The following PBRM1 variants were observed in gnomAD, a reference collection of about 807,000 sequenced individuals.
PBRM1 encodes the protein protein polybromo-1.
PBRM1 carries 27 observed loss-of-function variants against 194.5 expected under a neutral mutation model. The ratio of observed to expected loss-of-function variants is 0.14; its 90% CI spans 0.10 to 0.19. The LOEUF (loss-of-function observed/expected upper bound fraction) is 0.19, where lower values mean the gene tolerates loss of function less well. Ranked by LOEUF, PBRM1 falls within the 10% of genes least tolerant of loss-of-function variation. The pLI is 1.00. For synonymous variants in PBRM1, 655 were observed against 693.2 expected (o/e 0.94, Z 0.87); for missense variants, 1,466 against 2,077.2 (o/e 0.71, Z 5.72).
At chr3:52,606,267 C>T (rs2094345837) in intron 16 of PBRM1, among the ~76,000 whole-genome samples, 1 of 152,058 alleles carries the variant, frequency 6.6e-6, no homozygotes, top group South Asian at 2.1e-4. Flanking sequence ...CCTTGGGCTC[C>T]AAAAGTGCTG....
chr3:52,629,039 T>C lies in PBRM1; in HGVS notation c.1302-4A>G. The C allele has an allele frequency of 6.3e-7, 1 of 1,584,718 alleles. No homozygotes were observed. Among genetic ancestry groups the C allele is most frequent in the African/African-American group, 1.4e-5 (1 of 73,724 alleles). ...TTCTTGATTCTTCAGTTTTGTTCTG[T>C]GAAAGACAAAGAAATTGCTAGAATT... On this transcript the variant is annotated splice_polypyrimidine_tract_variant and splice_region_variant and intron_variant, in intron 11 of 29. Transcript: ENST00000296302.
intron 7 of PBRM1, among the ~76,000 whole-genome samples, chr3:52,647,445 AAAAAAAAAAAAAATATAT>A (rs2096334564): frequency 1.2e-5 from 1 of 80,672 alleles, no homozygotes; most frequent in Admixed American, 1.8e-4. Context: ...AAAAAAAAAA[AAAAAAAAAAAAAATATAT>A]ATATATATAT....
intron 22 of PBRM1, among the ~76,000 whole-genome samples, chr3:52,568,144 A>G (rs1325342508): frequency 6.6e-6 from 1 of 150,898 alleles, no homozygotes; most frequent in African/African-American, 2.4e-5. Context: ...ATGTCCAGCT[A>G]ATTTTTGTAG....
chr3:52,671,273 T>C (rs1314226261), intron 2 of PBRM1, among the ~76,000 whole-genome samples: 2 of 152,142 alleles, frequency 1.3e-5, no homozygotes, highest in African/African-American at 4.8e-5. Context: ...TTCTCATAAA[T>C]ACTTGAGAAA....
At chr3:52,628,187 T>C (rs1487391199) in intron 12 of PBRM1, among the ~76,000 whole-genome samples, 1 of 152,030 alleles carries the variant, frequency 6.6e-6, no homozygotes, top group Non-Finnish European at 1.5e-5. Flanking sequence ...CAGCCCTACT[T>C]TAACAAAGTC....
At chr3:52,635,583 C>CA (rs1253344765) in intron 10 of PBRM1, among the ~76,000 whole-genome samples, 1 of 151,682 alleles carries the variant, frequency 6.6e-6, no homozygotes, top group Non-Finnish European at 1.5e-5. Context: ...AATACAAAAA[C>CA]AAAAAAACCT....
At chr3:52,627,415 C>T (rs2095481066) in intron 12 of PBRM1, 45 bp from the exon 14 acceptor site, 2 of 1,123,588 alleles carry the variant, frequency 1.8e-6, no homozygotes, top group Non-Finnish European at 2.7e-6. Context: ...GTGCCAAACA[C>T]TCCTCTGAAT....
chr3:52,592,617 A>T (rs2153829965), intron 17 of PBRM1, among the ~76,000 whole-genome samples: 1 of 152,248 alleles, frequency 6.6e-6, no homozygotes, highest in Admixed American at 6.5e-5. Flanking sequence ...ATACTGGCCT[A>T]GTTTTTTCTG....
intron 17 of PBRM1, among the ~76,000 whole-genome samples, chr3:52,601,114 C>T (rs2093959330): frequency 6.6e-6 from 1 of 152,216 alleles, no homozygotes; most frequent in Non-Finnish European, 1.5e-5. Context: ...TAGAAGAGGA[C>T]TTCTCCCTGA....
At position 52,579,022 on chromosome 3, in the gene PBRM1, A is replaced by C. The variant is rs773831149; in HGVS notation, c.3533+32T>G. On this transcript the variant is annotated intron_variant, in intron 21 of 29. Coordinates refer to ENST00000296302, the Ensembl canonical transcript of PBRM1. ...TACTGGTTCCAAATTTCTCAGATTC[A>C]ACCTCATCTTCCCTAATTCAATGAC... is the stretch of plus-strand genomic sequence containing the variant. 1.9e-6 allele frequency: 3 copies of C among 1,610,850 alleles called. No homozygotes were observed. The South Asian group carries it at 3.3e-5, about 18-fold the overall frequency.
chr3:52,548,449 T>C (rs2153321818), intron 29 of PBRM1, among the ~76,000 whole-genome samples: 1 of 151,544 alleles, frequency 6.6e-6, no homozygotes, highest in Non-Finnish European at 1.5e-5. Flanking sequence ...TTTTTTGACA[T>C]CGAGTCTCGC....
At chr3:52,649,843 T>G (rs2153793747) in intron 6 of PBRM1, among the ~76,000 whole-genome samples, 1 of 152,136 alleles carries the variant, frequency 6.6e-6, no homozygotes, top group South Asian at 2.1e-4. Flanking sequence ...ACAAGGACCT[T>G]GAATCGGGTG....
chr3:52,569,487 G>C (rs1248101074), intron 22 of PBRM1, among the ~76,000 whole-genome samples: 1 of 152,210 alleles, frequency 6.6e-6, no homozygotes, highest in African/African-American at 2.4e-5. Flanking sequence ...TGGGATTACA[G>C]GCATGAGCCA....
At chr3:52,655,787 C>T (rs2096596490) in intron 5 of PBRM1, among the ~76,000 whole-genome samples, 1 of 152,170 alleles carries the variant, frequency 6.6e-6, no homozygotes, top group Admixed American at 6.5e-5. Flanking sequence ...TCAAGACACA[C>T]CTTTAAATAA....
chr3:52,634,784 T>C (rs2095744430), exon 11 of PBRM1: 1 of 1,613,946 alleles, frequency 6.2e-7, no homozygotes, highest in South Asian at 1.1e-5. Flanking sequence ...TGATGCTTTC[T>C]GCTTCTGACT....
At chr3:52,667,382 A>G (rs770384139) in intron 3 of PBRM1, among the ~76,000 whole-genome samples, 1 of 152,092 alleles carries the variant, frequency 6.6e-6, no homozygotes, top group South Asian at 2.1e-4. Flanking sequence ...GATATTTGAA[A>G]CACACAAAAT....
intron 2 of PBRM1, among the ~76,000 whole-genome samples, chr3:52,669,812 C>A (rs536349539): frequency 6.6e-6 from 1 of 152,112 alleles, no homozygotes; most frequent in Non-Finnish European, 1.5e-5. Context: ...TTGTTTCTCA[C>A]AAATAAGGAC....
intron 5 of PBRM1, among the ~76,000 whole-genome samples, chr3:52,653,931 AAATT>A: frequency 6.6e-6 from 1 of 152,296 alleles, no homozygotes; most frequent in African/African-American, 2.4e-5. Flanking sequence ...AAATGAAGCA[AAATT>A]ATTAGCAACT....
At chr3:52,677,926 A>G (rs1392911126) in intron 2 of PBRM1, among the ~76,000 whole-genome samples, 2 of 152,124 alleles carry the variant, frequency 1.3e-5, no homozygotes, top group African/African-American at 4.8e-5. Flanking sequence ...GTTGGAGTGC[A>G]GTGACACTCA....
Sources: gnomAD v4.1 joint callset for allele counts (sites outside exome capture counted in the v4.1 genomes callset) on GRCh38, gnomAD v4.1.1 for gene constraint, MANE v1.5 for transcripts, NCBI Gene and HGNC (gene_info 2026-07-23, HGNC 2026-07-21) for gene names.